CACNA1C: variants seen among roughly 807,000 people sequenced by gnomAD.
CACNA1C encodes calcium voltage-gated channel subunit alpha1 C.
Under a neutral mutation model 229.0 loss-of-function variants are expected in CACNA1C, and 30 were observed. The observed-to-expected ratio is 0.13, with a 90% CI of 0.10 to 0.18. CACNA1C has a LOEUF of 0.18. CACNA1C is among the 10% of genes least tolerant of loss of function. CACNA1C has a pLI of 1.00. For missense variants in CACNA1C, 1,658 were observed against 2,845.0 expected (o/e 0.58, Z 9.49); for synonymous variants, 1,114 against 1,132.5 (o/e 0.98, Z 0.33).
intron 29 of CACNA1C, among the ~76,000 whole-genome samples, chr12:2,624,465 C>G (rs2153521083): frequency 6.6e-6 from 1 of 152,338 alleles, no homozygotes; most frequent in African/African-American, 2.4e-5. Flanking sequence ...ATAACACTGC[C>G]ACTAGAAATA....
At chr12:2,547,578 T>G (rs1170076381) in intron 9 of CACNA1C, 6 of 771,638 alleles carry the variant, frequency 7.8e-6, no homozygotes, top group Non-Finnish European at 1.2e-5. Context: ...CATACCAGAC[T>G]GAATGGGAAG....
intron 1 of CACNA1C, among the ~76,000 whole-genome samples, chr12:2,074,722 C>A (rs1298664130): frequency 2.0e-5 from 3 of 152,134 alleles, no homozygotes; most frequent in African/African-American, 7.2e-5. Flanking sequence ...CGATAAAATA[C>A]TTTAGGGTTT....
chr12:1,982,478 GTTCTT>G (rs1397548742), intron 1 of CACNA1C, among the ~76,000 whole-genome samples: 1 of 152,032 alleles, frequency 6.6e-6, no homozygotes, highest in Non-Finnish European at 1.5e-5. Flanking sequence ...TACAATATTT[GTTCTT>G]TTGTGTCTGG....
At chr12:1,989,264 A>G (rs1287517302) in intron 1 of CACNA1C, among the ~76,000 whole-genome samples, 1 of 152,194 alleles carries the variant, frequency 6.6e-6, no homozygotes, top group South Asian at 2.1e-4. Flanking sequence ...TTAGCCCAGG[A>G]GTTCAAGGTT....
intron 3 of CACNA1C, among the ~76,000 whole-genome samples, chr12:2,400,222 G>C (rs2098657975): frequency 6.6e-6 from 1 of 152,170 alleles, no homozygotes; most frequent in Non-Finnish European, 1.5e-5. Context: ...GGTGGACCAG[G>C]ACTCAACTCC....
intron 3 of CACNA1C, among the ~76,000 whole-genome samples, chr12:2,350,233 C>T (rs1387843766): frequency 6.6e-6 from 1 of 152,168 alleles, no homozygotes; most frequent in Non-Finnish European, 1.5e-5. Flanking sequence ...AGAGGAGTCC[C>T]TGACTGGACC....
chr12:2,560,847 G>A (rs921794047), intron 11 of CACNA1C, among the ~76,000 whole-genome samples: 2 of 17,438 alleles, frequency 1.1e-4, no homozygotes, highest in Non-Finnish European at 1.5e-4. Flanking sequence ...GTTGGTTCTG[G>A]TAAAAAAAAA....
At chr12:2,610,949 A>G (rs1259786281) in intron 28 of CACNA1C, among the ~76,000 whole-genome samples, 17 of 145,170 alleles carry the variant, frequency 1.2e-4, no homozygotes, top group South Asian at 2.3e-4. Context: ...AGCTGAATGC[A>G]TTCATTGTTG....
chr12:2,391,774 GT>G (rs1366464176), intron 3 of CACNA1C, among the ~76,000 whole-genome samples: 2 of 152,236 alleles, frequency 1.3e-5, no homozygotes, highest in African/African-American at 4.8e-5. Context: ...CACCCACTCT[GT>G]TTGCCCTCTA....
At chr12:2,289,820 T>TA in intron 3 of CACNA1C, among the ~76,000 whole-genome samples, 1 of 152,348 alleles carries the variant, frequency 6.6e-6, no homozygotes, top group Admixed American at 6.5e-5. Flanking sequence ...TTTTGCCATT[T>TA]ACATGTTCAC....
At chr12:2,036,801 A>G (rs569022489) in intron 1 of CACNA1C, among the ~76,000 whole-genome samples, 2 of 152,300 alleles carry the variant, frequency 1.3e-5, no homozygotes, top group South Asian at 4.1e-4. Context: ...TGCCCTAGGA[A>G]GGGTTATACC....
At chr12:2,095,002 G>T (rs779284987) in intron 1 of CACNA1C, among the ~76,000 whole-genome samples, 6 of 152,184 alleles carry the variant, frequency 3.9e-5, no homozygotes, top group Non-Finnish European at 8.8e-5. Flanking sequence ...AATGTTTCAA[G>T]ACTCTTGTCA....
At chr12:2,148,705 C>T (rs2094950627) in intron 3 of CACNA1C, among the ~76,000 whole-genome samples, 1 of 151,070 alleles carries the variant, frequency 6.6e-6, no homozygotes, top group Admixed American at 6.7e-5. Context: ...TGTGACACTA[C>T]ACCCGGCGAG....
chr12:2,211,178 C>G (rs2097908214), intron 3 of CACNA1C, among the ~76,000 whole-genome samples: 1 of 152,236 alleles, frequency 6.6e-6, no homozygotes, highest in African/African-American at 2.4e-5. Flanking sequence ...GTAAATCAGG[C>G]AGAGCTCCCT....
chr12:2,107,114 A>G (rs1348526684), intron 1 of CACNA1C, among the ~76,000 whole-genome samples: 1 of 125,606 alleles, frequency 8.0e-6, no homozygotes, highest in African/African-American at 3.0e-5. Flanking sequence ...TCCTGAAGCC[A>G]CTGGGTGCCC....
intron 30 of CACNA1C, among the ~76,000 whole-genome samples, chr12:2,644,298 A>G (rs1162637512): frequency 6.6e-6 from 1 of 152,152 alleles, no homozygotes; most frequent in Non-Finnish European, 1.5e-5. Flanking sequence ...TTTCAAAATC[A>G]GCCTGCCAAG....
At chr12:2,612,066 G>A (rs750164234) in intron 29 of CACNA1C, 53 bp downstream of exon 29, 18 of 1,060,560 alleles carry the variant, frequency 1.7e-5, no homozygotes, top group African/African-American at 7.8e-5. Context: ...TGGACAGAAC[G>A]GGGAGGTGGG....
rs79913782 is a variant in CACNA1C, at chr12:2,194,346, C to G, written c.477+73916C>G. ...TTCCTCCTCCTCTGTGCTCTTCCTCCCTCTCCTCCTCCTCCCTGCTCTTCC... is the reference window on the plus strand; with the variant it reads ...TTCCTCCTCCTCTGTGCTCTTCCTCGCTCTCCTCCTCCTCCCTGCTCTTCC... On this transcript the variant is annotated intron_variant, in intron 3 of 46. Coordinates refer to ENST00000399655, the MANE Select transcript of CACNA1C (RefSeq NM_000719.7). Among the ~76,000 whole-genome samples, 887 of 151,282 alleles carry G rather than the reference C, an allele frequency of 5.9e-3. 9 individuals carry two copies. The highest frequency in any genetic ancestry group is 0.024 in the Middle Eastern group (7 of 294).
chr12:2,151,043 A>G (rs1453545821), intron 3 of CACNA1C, among the ~76,000 whole-genome samples: 1 of 152,138 alleles, frequency 6.6e-6, no homozygotes, highest in African/African-American at 2.4e-5. Flanking sequence ...GCAATTACGG[A>G]GAAGCATGAC....
Sources: gnomAD v4.1 joint callset for allele counts (sites outside exome capture counted in the v4.1 genomes callset) on GRCh38, gnomAD v4.1.1 for gene constraint, MANE v1.5 for transcripts, NCBI Gene and HGNC (gene_info 2026-07-23, HGNC 2026-07-21) for gene names.